Variants in CCNJL observed in about 807,000 individuals in gnomAD.
CCNJL encodes cyclin J like.
CCNJL carries 33 observed loss-of-function variants against 33.4 expected under a neutral mutation model. The ratio of observed to expected loss-of-function variants is 0.99; its 90% CI spans 0.75 to 1.32. The LOEUF is 1.32. CCNJL is among the 40% of genes most tolerant of loss of function. CCNJL has a pLI of 0.00. For missense variants in CCNJL, 512 were observed against 499.7 expected, an observed-to-expected ratio of 1.02 and a Z score of -0.23; for synonymous variants, 227 against 220.9, an observed-to-expected ratio of 1.03 and a Z score of -0.24.
chr5:160,296,931 C>T (rs1325056340), intron 2 of CCNJL, among the ~76,000 whole-genome samples: 2 of 152,126 alleles, frequency 1.3e-5, no homozygotes, highest in Non-Finnish European at 2.9e-5. Flanking sequence ...TGCCTACTAG[C>T]TATGTGGGCT....
Position 160,253,683 on chromosome 5 carries a change from C to G in CCNJL, c.859G>C (p.Ala287Pro). 6.2e-7 allele frequency: 1 copy of G among 1,607,522 alleles called. No individual in the cohort carries two copies. Among genetic ancestry groups the G allele is most frequent in the Non-Finnish European group, 8.5e-7 (1 of 1,176,048 alleles). The change falls in exon 6 of 6, where the codon GCC (alanine) becomes CCC (proline). Residue 287 changes from alanine (A) to proline (P), a missense_variant. Physicochemically the swap from Ala to Pro is conservative, Grantham distance 27. Transcript: ENST00000257536. ...AGGGTGGTCGCTGGCTGGCCGAGGG[C>G]CGGGTAGGCTGGTGGCTGGAACAGC... ...QVLFQPPAYPALGQPATTLAQ... is the reference protein window; with the variant it reads ...QVLFQPPAYPPLGQPATTLAQ...
chr5:160,259,158 C>T (rs1049669757), intron 4 of CCNJL, among the ~76,000 whole-genome samples: 1 of 152,162 alleles, frequency 6.6e-6, no homozygotes, highest in Admixed American at 6.5e-5. Flanking sequence ...TGAGAATAAC[C>T]GATCTGCAAA....
rs372455421 is a variant in CCNJL at position 160,296,293 on chromosome 5, G to T, written c.67-15555C>A. Among the ~76,000 whole-genome samples, 4 of 152,300 alleles carry T rather than the reference G, an allele frequency of 2.6e-5. No individual in the cohort carries two copies. The East Asian group carries it at 5.8e-4, about 22-fold the overall frequency. On this transcript the variant is annotated intron_variant, in intron 2 of 5. Coordinates refer to ENST00000257536, the MANE Select transcript of CCNJL (RefSeq NM_001308173.3). The stretch of plus-strand genomic sequence containing the variant: ...TGAACATCAATTCCCTTCACTTACA[G>T]GGCAGAGGGAGTCCTTCAACTGACA...
intron 2 of CCNJL, among the ~76,000 whole-genome samples, chr5:160,282,980 T>TATATATATATATATATATATATATAC (rs1762273532): frequency 1.4e-5 from 1 of 71,192 alleles, no homozygotes; most frequent in South Asian, 5.4e-4. Context: ...TATATATATA[T>TATATATATATATATATATATATATAC]ATATATATAT....
chr5:160,249,944 T>G lies in CCNJL; in HGVS notation c.*3434A>C, dbSNP rs1170127487. 2 of 152,112 alleles carry G rather than the reference T, an allele frequency of 1.3e-5. No homozygotes were observed. The highest frequency in any genetic ancestry group is 4.8e-5 in the African/African-American group (2 of 41,422). 9.4% of individuals were successfully genotyped at this position (152,112 alleles called of 1,614,324 possible). On this transcript the variant is annotated 3_prime_UTR_variant, in exon 6 of 6. Transcript: ENST00000257536. ...GCAGATTCCAGGTCCCCACCCCTCC[T>G]AGAGAAGGCTCCAGGTCATTCTGCA...
At chr5:160,339,366 A>AAC (rs1763722156) in intron 1 of CCNJL, 3 of 325,682 alleles carry the variant, frequency 9.2e-6, no homozygotes, top group East Asian at 8.0e-5. Context: ...AAACAAAAAA[A>AAC]AAAAACAAAA....
At chr5:160,254,351 T>C (rs745747724) in intron 5 of CCNJL, 6 of 661,770 alleles carry the variant, frequency 9.1e-6, no homozygotes, top group Non-Finnish European at 1.6e-5. Context: ...ACAGAGATTT[T>C]TGCCATCTCA....
chr5:160,280,432 A>T (rs1244483944), intron 3 of CCNJL, 93 bp downstream of exon 3: 2 of 1,017,204 alleles, frequency 2.0e-6, no homozygotes, highest in Non-Finnish European at 3.0e-6. Flanking sequence ...ACGTGCAAAG[A>T]TCGTCAAAAT....
At chr5:160,324,753 GTGACTATC>G (rs1763514520) in intron 1 of CCNJL, among the ~76,000 whole-genome samples, 1 of 152,182 alleles carries the variant, frequency 6.6e-6, no homozygotes. Context: ...TTTTCTGAAT[GTGACTATC>G]TGTCATATGT....
intron 1 of CCNJL, among the ~76,000 whole-genome samples, chr5:160,330,948 C>T (rs28552391): frequency 9.9e-4 from 150 of 152,082 alleles, no homozygotes; most frequent in African/African-American, 3.4e-3. Flanking sequence ...CCACTGTGCC[C>T]GGCCCACTGC....
At chr5:160,298,421 C>T (rs1762818197) in intron 2 of CCNJL, among the ~76,000 whole-genome samples, 1 of 152,064 alleles carries the variant, frequency 6.6e-6, no homozygotes, top group Non-Finnish European at 1.5e-5. Flanking sequence ...CTGCACAGCA[C>T]AGACTTCAGT....
Position 160,273,635 on chromosome 5 carries a change from G to C in CCNJL, c.280+6890C>G, listed in dbSNP as rs1010798550. The stretch of plus-strand genomic sequence containing the variant: ...CGTGTTTGCAAAGCACCACGAAAGT[G>C]CCGCCACTTTTTTTTTTTTTTTTTT... On this transcript the variant is annotated intron_variant, in intron 3 of 5. Transcript: ENST00000257536. 3.5e-5 allele frequency among the ~76,000 whole-genome samples: 5 copies of C among 140,846 alleles called. No homozygotes were observed. In the East Asian group the frequency reaches 1.0e-3, roughly 29 times the overall value. 92.4% of individuals were successfully genotyped at this position (140,846 alleles called of 152,430 possible).
At chr5:160,262,082 C>T (rs1761362075) in intron 3 of CCNJL, among the ~76,000 whole-genome samples, 1 of 151,870 alleles carries the variant, frequency 6.6e-6, no homozygotes, top group East Asian at 1.9e-4. Flanking sequence ...TTATTTTTTC[C>T]AAAGTTGCCC....
chr5:160,253,046 G>T lies in CCNJL; in HGVS notation c.*332C>A, dbSNP rs932776059. The T allele has an allele frequency of 1.2e-5, 3 of 249,404 alleles. No homozygotes were observed. In the South Asian group the frequency reaches 4.8e-4, roughly 40 times the overall value. The allele number at this position is 249,404 out of a possible 1,614,324, so 15.4% of individuals were successfully genotyped here. A position where few individuals can be genotyped will look rare whatever the true frequency, so the allele number is the denominator to read the frequency against. On this transcript the variant is annotated 3_prime_UTR_variant, in exon 6 of 6. Transcript: ENST00000257536. Reference sequence around the variant, plus strand: ...AATGCTAAAAACTGGACATGCTTGAGATCAGTGGTCTGTGTCCAGTTCCCA... The same window carrying T: ...AATGCTAAAAACTGGACATGCTTGATATCAGTGGTCTGTGTCCAGTTCCCA...
At chr5:160,290,515 G>C (rs929853150) in intron 2 of CCNJL, among the ~76,000 whole-genome samples, 2 of 152,108 alleles carry the variant, frequency 1.3e-5, no homozygotes. Flanking sequence ...TGATCTGCCT[G>C]CCTCGGCCTC....
In CCNJL at chr5:160,259,803, G is replaced by T. The variant is rs1428868833; in HGVS notation, c.281-32C>A. 1.9e-6 allele frequency: 3 copies of T among 1,565,348 alleles called. 1 individual carries two copies. Among genetic ancestry groups the T allele is most frequent in the Non-Finnish European group, 2.6e-6 (3 of 1,151,660 alleles). ...GGGAGCAGGGGAAGCAGGGGTTACT[G>T]GAAGACATTTACCTGAACCCAGGAA... On this transcript the variant is annotated intron_variant, in intron 3 of 5. Transcript: ENST00000257536.
chr5:160,280,554 G>C lies in CCNJL; in HGVS notation c.251C>G (p.Thr84Ser). The C allele has an allele frequency of 6.2e-7, 1 of 1,613,250 alleles. No individual in the cohort carries two copies. The highest frequency in any genetic ancestry group is 1.1e-5 in the South Asian group (1 of 91,078). ...YNVTTSKQLYTVAVSCLLLAS... is the reference protein window; with the variant it reads ...YNVTTSKQLYSVAVSCLLLAS... ...AAGCAGGAGGCAGGAGACGGCCACG[G>C]TGTAGAGCTGCTTGGAGGTGGTGAC... The change falls in exon 3 of 6, where the codon ACC (threonine) becomes AGC (serine). Residue 84 changes from threonine (T) to serine (S), a missense_variant. By Grantham distance (58) the Thr-to-Ser change is moderately conservative. Coordinates refer to ENST00000257536, the MANE Select transcript of CCNJL (RefSeq NM_001308173.3).
chr5:160,286,111 G>A (rs1282352372), intron 2 of CCNJL, among the ~76,000 whole-genome samples: 3 of 152,136 alleles, frequency 2.0e-5, no homozygotes, highest in African/African-American at 7.2e-5. Flanking sequence ...ACCTTTGGCC[G>A]GGCCACGCTG....
rs1038790963 is a variant in CCNJL, at chr5:160,295,149, T to C, written c.67-14411A>G. Among the ~76,000 whole-genome samples, 4 of 152,244 alleles carry C rather than the reference T, an allele frequency of 2.6e-5. 1 individual carries two copies. The highest frequency in any genetic ancestry group is 1.3e-4 in the Admixed American group (2 of 15,286). On this transcript the variant is annotated intron_variant, in intron 2 of 5. Transcript: ENST00000257536. Reference sequence around the variant, plus strand: ...CCCCCCCGTACTGGGATGAATAGTATTTCCCTGACAATTCTTGTCTACTCA... The same window carrying C: ...CCCCCCCGTACTGGGATGAATAGTACTTCCCTGACAATTCTTGTCTACTCA...
Sources: allele counts gnomAD v4.1 joint callset (sites outside exome capture counted in the v4.1 genomes callset), GRCh38; gene constraint gnomAD v4.1.1; transcripts MANE v1.5; gene names NCBI Gene and HGNC (gene_info 2026-07-23, HGNC 2026-07-21).